PDLIM5: variants seen among roughly 807,000 people sequenced by gnomAD.
The protein encoded by PDLIM5 is PDZ and LIM domain 5.
Under a neutral mutation model 64.2 loss-of-function variants are expected in PDLIM5, and 34 were observed. The ratio of observed to expected loss-of-function variants is 0.53; its 90% CI spans 0.40 to 0.71. The LOEUF is 0.71. PDLIM5 is among the 30% of genes least tolerant of loss of function. The probability of loss-of-function intolerance (pLI) is 0.00; values close to 1 mark genes in which losing one functional copy is unlikely to be tolerated. For missense variants in PDLIM5, 683 were observed against 733.6 expected (o/e 0.93, Z 0.80); for synonymous variants, 253 against 269.1 (o/e 0.94, Z 0.59).
chr4:94,626,156 G>C (rs1739678505), intron 8 of PDLIM5, among the ~76,000 whole-genome samples: 1 of 152,124 alleles, frequency 6.6e-6, no homozygotes, highest in African/African-American at 2.4e-5. Context: ...TACCCCATCT[G>C]AGGAGTTTTC....
chr4:94,520,012 G>C (rs1011587039), intron 2 of PDLIM5, among the ~76,000 whole-genome samples: 1 of 152,224 alleles, frequency 6.6e-6, no homozygotes, highest in South Asian at 2.1e-4. Flanking sequence ...AGATCCTTTC[G>C]TACTGAAGTT....
intron 7 of PDLIM5, among the ~76,000 whole-genome samples, chr4:94,593,398 G>A (rs1225111037): frequency 6.6e-6 from 1 of 152,162 alleles, no homozygotes; most frequent in East Asian, 1.9e-4. Flanking sequence ...TCATAGTTCT[G>A]GAGACTGTAA....
chr4:94,626,625 C>T (rs926960530), intron 8 of PDLIM5, among the ~76,000 whole-genome samples: 3 of 151,942 alleles, frequency 2.0e-5, no homozygotes, highest in Non-Finnish European at 4.4e-5. Context: ...ATCTAAACTC[C>T]GTTTTTGAAA....
chr4:94,645,751 G>T (rs577610026), intron 9 of PDLIM5, among the ~76,000 whole-genome samples: 71 of 152,128 alleles, frequency 4.7e-4, no homozygotes, highest in African/African-American at 1.6e-3. Flanking sequence ...TTCTCTCTCC[G>T]ACTTCAGTCT....
At position 94,605,999 on chromosome 4, in the gene PDLIM5, C is replaced by G. The variant is rs114425148; in HGVS notation, c.921-12005C>G. Reference sequence around the variant, plus strand: ...TTAAAGGTATTTTGGGAGCACTATTCATTTCTTTCAAGTTATCATGTGTCC... The same window carrying G: ...TTAAAGGTATTTTGGGAGCACTATTGATTTCTTTCAAGTTATCATGTGTCC... On this transcript the variant is annotated intron_variant, in intron 7 of 12. Transcript: ENST00000317968. Among the ~76,000 whole-genome samples the G allele has an allele frequency of 9.3e-3, 1,407 of 151,678 alleles. 29 individuals carry two copies. Among genetic ancestry groups the G allele is most frequent in the African/African-American group, 0.03 (1,244 of 41,396 alleles).
intron 9 of PDLIM5, among the ~76,000 whole-genome samples, chr4:94,653,963 T>G (rs28376560): frequency 0.23 from 34,449 of 151,682 alleles, 4,220 homozygotes; most frequent in African/African-American, 0.31. Context: ...GGAAGAGAAA[T>G]TGTGGGGAAG....
intron 7 of PDLIM5, among the ~76,000 whole-genome samples, chr4:94,602,068 T>A (rs1737546684): frequency 1.3e-5 from 2 of 152,210 alleles, no homozygotes; most frequent in Admixed American, 1.3e-4. Context: ...TATTATTACA[T>A]AAAAGTTTGC....
chr4:94,610,960 C>A, intron 7 of PDLIM5: 1 of 759,744 alleles, frequency 1.3e-6, no homozygotes, highest in Non-Finnish European at 2.1e-6. Context: ...CTCTCTCTCC[C>A]CACCCTCTCT....
At chr4:94,475,096 A>G (rs1725208707) in intron 2 of PDLIM5, among the ~76,000 whole-genome samples, 1 of 152,026 alleles carries the variant, frequency 6.6e-6, no homozygotes, top group Non-Finnish European at 1.5e-5. Context: ...AAAGTTTTAT[A>G]ATCAACTTTA....
In PDLIM5 at chr4:94,491,222, G is replaced by A. The variant is rs1002353068; in HGVS notation, c.97-32502G>A. 5.3e-5 allele frequency among the ~76,000 whole-genome samples: 8 copies of A among 152,140 alleles called. No homozygotes were observed. The East Asian group carries it at 9.6e-4, about 18-fold the overall frequency. ...AGGGGATTGATTTAACTGGCACCTAGCATTTGTACTTTAGAGAAGAAACTT... is the reference window on the plus strand; with the variant it reads ...AGGGGATTGATTTAACTGGCACCTAACATTTGTACTTTAGAGAAGAAACTT... On this transcript the variant is annotated intron_variant, in intron 2 of 12. Transcript: ENST00000317968.
chr4:94,472,477 T>G (rs1232319792), intron 2 of PDLIM5, among the ~76,000 whole-genome samples: 1 of 152,232 alleles, frequency 6.6e-6, no homozygotes, highest in African/African-American at 2.4e-5. Context: ...TAGGGAATAG[T>G]TTTCTGCAGT....
intron 3 of PDLIM5, among the ~76,000 whole-genome samples, chr4:94,568,965 CA>C (rs1734575030): frequency 6.6e-6 from 1 of 152,094 alleles, no homozygotes; most frequent in Non-Finnish European, 1.5e-5. Context: ...GGGGTGTGCC[CA>C]CAGTAATTTT....
At chr4:94,486,311 CTT>C (rs776981981) in intron 2 of PDLIM5, among the ~76,000 whole-genome samples, 1 of 151,978 alleles carries the variant, frequency 6.6e-6, no homozygotes, top group Non-Finnish European at 1.5e-5. Context: ...TAAACATTCT[CTT>C]ATTTATAGGG....
At chr4:94,563,502 C>T (rs1734018510) in intron 3 of PDLIM5, among the ~76,000 whole-genome samples, 1 of 152,108 alleles carries the variant, frequency 6.6e-6, no homozygotes, top group South Asian at 2.1e-4. Flanking sequence ...TTCATGTGTT[C>T]TACACAGAAG....
chr4:94,470,429 C>G (rs1379726011), intron 2 of PDLIM5, among the ~76,000 whole-genome samples: 1 of 152,074 alleles, frequency 6.6e-6, no homozygotes, highest in Non-Finnish European at 1.5e-5. Flanking sequence ...TAGAATTTGC[C>G]TCAAAGACAA....
At chr4:94,650,905 G>A (rs1205198958) in intron 9 of PDLIM5, among the ~76,000 whole-genome samples, 2 of 151,568 alleles carry the variant, frequency 1.3e-5, no homozygotes, top group South Asian at 4.1e-4. Flanking sequence ...CCAACCAAAT[G>A]CTTTAAATCC....
Position 94,666,062 on chromosome 4 carries a change from T to G in PDLIM5, c.*1995T>G. The G allele has an allele frequency of 6.6e-7, 1 of 1,524,492 alleles. No individual in the cohort carries two copies. The highest frequency in any genetic ancestry group is 8.8e-7 in the Non-Finnish European group (1 of 1,138,030). The allele number at this position is 1,524,492 out of a possible 1,614,324, so 94.4% of individuals were successfully genotyped here. On this transcript the variant is annotated 3_prime_UTR_variant, in exon 13 of 13. Transcript: ENST00000317968. ...TCCATGAACCTCCTAAGTTATAATTTAAATTTGTTTGGGGCAAGGTGATTT... is the reference window on the plus strand; with the variant it reads ...TCCATGAACCTCCTAAGTTATAATTGAAATTTGTTTGGGGCAAGGTGATTT...
intron 2 of PDLIM5, among the ~76,000 whole-genome samples, chr4:94,502,550 A>G (rs978584729): frequency 2.6e-5 from 4 of 152,266 alleles, no homozygotes; most frequent in Middle Eastern, 3.4e-3. Context: ...AATTGAGGAT[A>G]AAAGTATCTA....
At position 94,600,585 on chromosome 4, in the gene PDLIM5, A is replaced by G. The variant is rs534945621; in HGVS notation, c.920+14141A>G. Among the ~76,000 whole-genome samples the G allele has an allele frequency of 2.0e-5, 3 of 152,350 alleles. No individual in the cohort carries two copies. The East Asian group carries it at 5.8e-4, about 29-fold the overall frequency. On this transcript the variant is annotated intron_variant, in intron 7 of 12. Transcript: ENST00000317968. ...GTTTATAAATTCTTTTTCTAATATT[A>G]GGATTATGTTAAAACTACAAAATGG...
Sources: gnomAD v4.1 joint callset for allele counts (sites outside exome capture counted in the v4.1 genomes callset) on GRCh38, gnomAD v4.1.1 for gene constraint, MANE v1.5 for transcripts, NCBI Gene and HGNC (gene_info 2026-07-23, HGNC 2026-07-21) for gene names.